MDGA2: variants seen among roughly 807,000 people sequenced by gnomAD.
The protein encoded by MDGA2 is MAM domain containing glycosylphosphatidylinositol anchor 2.
MDGA2 carries 40 observed loss-of-function variants against 117.8 expected under a neutral mutation model. That is an observed-to-expected ratio of 0.34 (90% CI 0.26 to 0.44). The LOEUF (loss-of-function observed/expected upper bound fraction) is 0.44, where lower values mean the gene tolerates loss of function less well. MDGA2 is among the 20% of genes least tolerant of loss of function. MDGA2 has a pLI of 1.00. For missense variants in MDGA2, 1,123 were observed against 1,250.6 expected (o/e 0.90, Z 1.54); for synonymous variants, 452 against 439.0 (o/e 1.03, Z -0.37).
At chr14:47,671,540 G>A (rs995385776) in intron 1 of MDGA2, among the ~76,000 whole-genome samples, 1 of 152,134 alleles carries the variant, frequency 6.6e-6, no homozygotes, top group African/African-American at 2.4e-5. Context: ...TTTTGCCTGA[G>A]TAACCTAGAA....
At chr14:46,939,904 G>T (rs1884933011) in intron 9 of MDGA2, among the ~76,000 whole-genome samples, 1 of 152,146 alleles carries the variant, frequency 6.6e-6, no homozygotes, top group African/African-American at 2.4e-5. Flanking sequence ...ACAACCAAGT[G>T]CATGCCTTGC....
At chr14:47,588,652 A>C (rs1273939698) in intron 1 of MDGA2, among the ~76,000 whole-genome samples, 2 of 151,906 alleles carry the variant, frequency 1.3e-5, no homozygotes, top group East Asian at 3.9e-4. Context: ...AATGATTTTC[A>C]AATATTTGCT....
At chr14:47,455,197 A>G (rs1385716625) in intron 1 of MDGA2, among the ~76,000 whole-genome samples, 1 of 152,178 alleles carries the variant, frequency 6.6e-6, no homozygotes, top group East Asian at 1.9e-4. Context: ...ATGGATATAT[A>G]TTATCTAGTT....
intron 1 of MDGA2, among the ~76,000 whole-genome samples, chr14:47,308,753 A>G (rs1275537359): frequency 6.6e-6 from 1 of 151,876 alleles, no homozygotes; most frequent in Non-Finnish European, 1.5e-5. Context: ...GTGATTAGAA[A>G]TAATGATAAC....
chr14:46,900,426 T>C (rs28410745), intron 10 of MDGA2, among the ~76,000 whole-genome samples: 3,787 of 152,250 alleles, frequency 0.025, 157 homozygotes, highest in African/African-American at 0.086. Context: ...ATAGTACCTT[T>C]ACTGCTAATA....
At chr14:47,359,748 C>CAAAAAAAAAAAAAAAAAAAA (rs71448198) in intron 1 of MDGA2, among the ~76,000 whole-genome samples, 11 of 110,770 alleles carry the variant, frequency 9.9e-5, no homozygotes, top group Admixed American at 1.8e-4. Flanking sequence ...AAGACTGTCT[C>CAAAAAAAAAAAAAAAAAAAA]AAAAAAAAAA....
At chr14:46,887,884 A>C (rs993587951) in intron 10 of MDGA2, among the ~76,000 whole-genome samples, 6 of 151,974 alleles carry the variant, frequency 3.9e-5, no homozygotes, top group Non-Finnish European at 7.4e-5. Flanking sequence ...CTTTTACCTA[A>C]AGACACAAGT....
chr14:47,046,345 T>C (rs1304315012), intron 7 of MDGA2, among the ~76,000 whole-genome samples: 1 of 151,986 alleles, frequency 6.6e-6, no homozygotes, highest in African/African-American at 2.4e-5. Flanking sequence ...TAGTTCATGT[T>C]TGTTATTTTT....
At chr14:47,262,143 A>G (rs996959433) in intron 2 of MDGA2, among the ~76,000 whole-genome samples, 1 of 152,174 alleles carries the variant, frequency 6.6e-6, no homozygotes, top group Non-Finnish European at 1.5e-5. Flanking sequence ...GAAATGCAAA[A>G]GACTTTTTCA....
chr14:47,558,807 A>C (rs1895737917), intron 1 of MDGA2, among the ~76,000 whole-genome samples: 1 of 152,212 alleles, frequency 6.6e-6, no homozygotes, highest in African/African-American at 2.4e-5. Flanking sequence ...ATTTATGATG[A>C]GAAATGATTA....
In MDGA2 at chr14:47,131,835, C is replaced by G. The variant is rs1397240269; in HGVS notation, c.804G>C (p.Lys268Asn). 3.8e-6 allele frequency: 6 copies of G among 1,574,946 alleles called. No homozygotes were observed. The highest frequency in any genetic ancestry group is 1.3e-5 in the African/African-American group (1 of 74,354). Residue 268 changes from lysine to asparagine, a missense_variant, in exon 5 of 17, where the codon AAG (lysine) becomes AAC (asparagine). This residue lies in a region of MDGA2 where 890 missense variants were observed against 1,050.3 expected (regional missense o/e 0.85). Transcript: ENST00000399232. ...GTCGAAGATTCTTTAGTTTTAAGATCTTTGTTTCACCCTGAAAATGTACAC... is the reference window on the plus strand; with the variant it reads ...GTCGAAGATTCTTTAGTTTTAAGATGTTTGTTTCACCCTGAAAATGTACAC... ...YEPFFTQGET[K>N]ILKLKNLRPQ...
intron 3 of MDGA2, among the ~76,000 whole-genome samples, chr14:47,172,884 G>C (rs919021450): frequency 1.3e-5 from 2 of 152,120 alleles, no homozygotes; most frequent in African/African-American, 4.8e-5. Context: ...CAAAGGCAAA[G>C]AAGTTAAAAA....
intron 1 of MDGA2, among the ~76,000 whole-genome samples, chr14:47,660,166 C>G (rs1211492503): frequency 1.3e-5 from 2 of 152,078 alleles, no homozygotes; most frequent in Non-Finnish European, 2.9e-5. Context: ...GCTCTTGCAG[C>G]CAGACTGAAT....
intron 1 of MDGA2, among the ~76,000 whole-genome samples, chr14:47,506,963 G>A (rs546174396): frequency 6.6e-6 from 1 of 150,994 alleles, no homozygotes; most frequent in African/African-American, 2.4e-5. Flanking sequence ...TCACTAGGAG[G>A]TAGTGGAAGA....
chr14:46,849,004 T>C (rs147183859), intron 15 of MDGA2, among the ~76,000 whole-genome samples: 2 of 152,202 alleles, frequency 1.3e-5, no homozygotes, highest in East Asian at 3.9e-4. Flanking sequence ...CATTTACACT[T>C]ACAATTATTG....
chr14:47,031,845 C>G (rs1036041371), intron 8 of MDGA2, among the ~76,000 whole-genome samples: 1 of 152,280 alleles, frequency 6.6e-6, no homozygotes, highest in East Asian at 1.9e-4. Context: ...GTGCAAGCTC[C>G]CACTTCACCT....
chr14:47,281,556 ACCATT>A (rs1888490959), intron 2 of MDGA2, among the ~76,000 whole-genome samples: 1 of 152,186 alleles, frequency 6.6e-6, no homozygotes, highest in South Asian at 2.1e-4. Flanking sequence ...GTCTGGTTGC[ACCATT>A]CTTAGGTTAG....
intron 3 of MDGA2, among the ~76,000 whole-genome samples, chr14:47,200,351 T>C (rs1001431666): frequency 2.0e-5 from 3 of 151,934 alleles, no homozygotes; most frequent in Non-Finnish European, 4.4e-5. Context: ...CAGAACAGAA[T>C]GAACGAAACA....
intron 1 of MDGA2, among the ~76,000 whole-genome samples, chr14:47,406,655 A>G (rs1010251832): frequency 6.6e-6 from 1 of 151,992 alleles, no homozygotes; most frequent in African/African-American, 2.4e-5. Context: ...TCATTTCTCT[A>G]TTCTTTGGAC....
Sources: gnomAD v4.1 joint callset for allele counts (sites outside exome capture counted in the v4.1 genomes callset) on GRCh38, gnomAD v4.1.1 for gene constraint, gnomAD v4.1.1 regional missense constraint, MANE v1.5 for transcripts, NCBI Gene and HGNC (gene_info 2026-07-23, HGNC 2026-07-21) for gene names.